The following EMILIN3 variants were observed in gnomAD, a reference collection of about 807,000 sequenced individuals.
The protein encoded by EMILIN3 is EMILIN-3.
A neutral mutation model predicts 42.8 loss-of-function variants in EMILIN3; 38 were observed. The ratio of observed to expected loss-of-function variants is 0.89; its 90% CI spans 0.69 to 1.16. The LOEUF (loss-of-function observed/expected upper bound fraction) is 1.16, where lower values mean the gene tolerates loss of function less well. Among genes scored for constraint, EMILIN3 ranks in the 50% most tolerant of loss-of-function variants. The pLI is 0.00. For synonymous variants in EMILIN3, 430 were observed against 440.5 expected (o/e 0.98, Z 0.30); for missense variants, 924 against 999.5 (o/e 0.92, Z 1.02).
rs1490882357 is a variant in EMILIN3 at position 41,362,720 on chromosome 20, C to A, written c.849G>T (p.Leu283=). Residue 283 remains leucine (L), a synonymous_variant, in exon 4 of 4, where the codon CTG becomes CTT. Coordinates refer to ENST00000332312, the MANE Select transcript of EMILIN3 (RefSeq NM_052846.2). The stretch of plus-strand genomic sequence containing the variant: ...ATGGTGGGGCTTCCCGCAGCCGCTG[C>A]AGGTGGGCCTCATGGCCAAGTGCCA... ...HGLALGHEAH[L]QRLREAPPSP... is the part of the protein sequence containing the mutation. 6.2e-7 allele frequency: 1 copy of A among 1,613,962 alleles called. No individual in the cohort carries two copies. The highest frequency in any genetic ancestry group is 1.3e-5 in the African/African-American group (1 of 74,960).
intron 1 of EMILIN3, among the ~76,000 whole-genome samples, chr20:41,365,710 C>T (rs1209805207): frequency 1.3e-5 from 2 of 152,304 alleles, no homozygotes; most frequent in South Asian, 2.1e-4. Context: ...CACTGAGTGT[C>T]GGTACTCTTC....
In EMILIN3 at chr20:41,361,086, C is replaced by G. The variant is rs6072352; in HGVS notation, c.*182G>C. On this transcript the variant is annotated 3_prime_UTR_variant, in exon 4 of 4. Coordinates refer to ENST00000332312, the MANE Select transcript of EMILIN3 (RefSeq NM_052846.2). The stretch of plus-strand genomic sequence containing the variant: ...ACCGCTGTCCGGAACTGTCCAGTTT[C>G]TGCAGCACTGTGCATGGGTTTTGGT... 0.23 allele frequency: 138,216 copies of G among 592,278 alleles called. 18,841 individuals carry two copies. The highest frequency in any genetic ancestry group is 0.48 in the East Asian group (17,310 of 35,814). The allele number at this position is 592,278 out of a possible 1,614,324, so 36.7% of individuals were successfully genotyped here.
Position 41,360,045 on chromosome 20 carries a change from A to T in EMILIN3, c.*1223T>A, listed in dbSNP as rs2046337877. 1.3e-5 allele frequency: 2 copies of T among 152,688 alleles called. No homozygotes were observed. Among genetic ancestry groups the T allele is most frequent in the Non-Finnish European group, 2.9e-5 (2 of 68,092 alleles). 9.5% of individuals were successfully genotyped at this position (152,688 alleles called of 1,614,324 possible). On this transcript the variant is annotated 3_prime_UTR_variant, in exon 4 of 4. Transcript: ENST00000332312. ...GAGGGCAGAATACCAAATGTCCAGG[A>T]ACCAAAGGCAGGGCTGTGGGGACCT...
rs774179672 is a variant in EMILIN3 at position 41,363,032 on chromosome 20, A to G, written c.537T>C (p.Phe179=). 4.4e-6 allele frequency: 7 copies of G among 1,596,516 alleles called. No individual in the cohort carries two copies. Among genetic ancestry groups the G allele is most frequent in the Non-Finnish European group, 6.0e-6 (7 of 1,167,820 alleles). ...CCTCCAGGCGTTCCAGCCGCTCACC[A>G]AACAGCCCTGGGCCTTTCCTTCCTG... is the stretch of plus-strand genomic sequence containing the variant. ...SPHGRKGPGL[F]GERLERLEGD... The change falls in exon 4 of 4, where the codon TTT becomes TTC. Residue 179 remains phenylalanine (F), a synonymous_variant. Coordinates refer to ENST00000332312, the MANE Select transcript of EMILIN3 (RefSeq NM_052846.2).
In EMILIN3 at chr20:41,361,989, G is replaced by A; in HGVS notation, c.1580C>T (p.Ser527Leu). 6.2e-7 allele frequency: 1 copy of A among 1,611,850 alleles called. No individual in the cohort carries two copies. ...TGCCACGAGGCTGTCCAGGATGGCT[G>A]AGGTGGTGCTCGGGGTGCACGAAGT... ...LETSCTPSTT[S>L]AILDSLVAEV... is the part of the protein sequence containing the mutation. The change falls in exon 4 of 4, where the codon TCA becomes TTA. Residue 527 changes from serine to leucine, a missense_variant. Ser to Leu is a moderately radical substitution (Grantham distance 145, BLOSUM62 -2). Coordinates refer to ENST00000332312, the MANE Select transcript of EMILIN3 (RefSeq NM_052846.2).
At position 41,366,667 on chromosome 20, in the gene EMILIN3, G is replaced by C; in HGVS notation, c.-33C>G. The C allele has an allele frequency of 1.0e-6, 1 of 993,836 alleles. No individual in the cohort carries two copies. Among genetic ancestry groups the C allele is most frequent in the Non-Finnish European group, 1.2e-6 (1 of 837,178 alleles). The allele number at this position is 993,836 out of a possible 1,614,324, so 61.6% of individuals were successfully genotyped here. A position where few individuals can be genotyped will look rare whatever the true frequency, so the allele number is the denominator to read the frequency against. On this transcript the variant is annotated 5_prime_UTR_variant, in exon 1 of 4. Transcript: ENST00000332312. The surrounding 1 kb of genome is among the most constrained non-coding windows in gnomAD (Gnocchi z 4.2). Reference sequence around the variant, plus strand: ...CCCGCGCCTCTGCCCGGCCCCGCGCGGTGCCCCCCGCCGGGTGTCCGCCTG... The same window carrying C: ...CCCGCGCCTCTGCCCGGCCCCGCGCCGTGCCCCCCGCCGGGTGTCCGCCTG...
intron 1 of EMILIN3, among the ~76,000 whole-genome samples, chr20:41,365,979 C>CGCTGGGGCTCCCATGGGGTT (rs201836863): frequency 0.15 from 22,325 of 151,972 alleles, 1,907 homozygotes; most frequent in Non-Finnish European, 0.18. Flanking sequence ...AGCCCGGCCA[C>CGCTGGGGCTCCCATGGGGTT]GCTGGGGCTC....
In EMILIN3 at chr20:41,366,166, G is replaced by A. The variant is rs936004048; in HGVS notation, c.167+302C>T. On this transcript the variant is annotated intron_variant, in intron 1 of 3. Transcript: ENST00000332312. This position sits in a 1 kb window ranked among gnomAD's most constrained non-coding sequence, Gnocchi z 4.2. Reference sequence around the variant, plus strand: ...CTCCCTCCACCTGGTCCGCTCGCCCGGAGTCTGCACACAGCGCAGCTGGAA... The same window carrying A: ...CTCCCTCCACCTGGTCCGCTCGCCCAGAGTCTGCACACAGCGCAGCTGGAA... Among the ~76,000 whole-genome samples the A allele has an allele frequency of 6.6e-5, 10 of 152,178 alleles. No homozygotes were observed. The highest frequency in any genetic ancestry group is 1.7e-4 in the African/African-American group (7 of 41,456).
At chr20:41,363,087 C>T (rs765676567) in intron 3 of EMILIN3, 33 bp from the exon 4 acceptor site, 2 of 1,478,382 alleles carry the variant, frequency 1.4e-6, no homozygotes, top group Admixed American at 2.4e-5. Context: ...AGGGGCATCA[C>T]TGGCCTCACC....
intron 2 of EMILIN3, among the ~76,000 whole-genome samples, chr20:41,364,318 T>C (rs1256776881): frequency 1.3e-5 from 2 of 151,832 alleles, no homozygotes; most frequent in Non-Finnish European, 2.9e-5. Context: ...GGCTCCTACC[T>C]GCTCCCCTTA....
rs940819132 is a variant in EMILIN3 at position 41,366,359 on chromosome 20, C to T, written c.167+109G>A. The T allele has an allele frequency of 2.2e-4, 188 of 867,778 alleles. No homozygotes were observed. The African/African-American group carries it at 3.2e-3, about 15-fold the overall frequency. The allele number at this position is 867,778 out of a possible 1,614,324, so 53.8% of individuals were successfully genotyped here. ...GGCGCCGCCCCCTCTGTGCAGCGGCCTCGGGGTGCCCGGGGCCTCGACGCC... is the reference window on the plus strand; with the variant it reads ...GGCGCCGCCCCCTCTGTGCAGCGGCTTCGGGGTGCCCGGGGCCTCGACGCC... On this transcript the variant is annotated intron_variant, in intron 1 of 3. Coordinates refer to ENST00000332312, the MANE Select transcript of EMILIN3 (RefSeq NM_052846.2). The surrounding 1 kb of genome is among the most constrained non-coding windows in gnomAD (Gnocchi z 4.2).
intron 3 of EMILIN3, 32 bp downstream of exon 3, chr20:41,363,606 T>C (rs745668907): frequency 2.6e-6 from 4 of 1,565,058 alleles, no homozygotes; most frequent in Non-Finnish European, 3.5e-6. Flanking sequence ...AGAAACCCAA[T>C]CACCTTGGAG....
chr20:41,361,958 C>T lies in EMILIN3; in HGVS notation c.1611G>A (p.Val537=). The change falls in exon 4 of 4, where the codon GTG becomes GTA. Residue 537 remains valine, a synonymous_variant. Transcript: ENST00000332312. ...SAILDSLVAE[V]KAWQSRSEAL... ...CCTCGCTCCGGCTCTGCCAGGCCTT[C>T]ACCTCTGCCACGAGGCTGTCCAGGA... 6.2e-7 allele frequency: 1 copy of T among 1,612,356 alleles called. No homozygotes were observed. Among genetic ancestry groups the T allele is most frequent in the South Asian group, 1.1e-5 (1 of 91,014 alleles).
Position 41,362,277 on chromosome 20 carries a change from C to T in EMILIN3, c.1292G>A (p.Gly431Asp). The T allele has an allele frequency of 6.2e-7, 1 of 1,613,946 alleles. No individual in the cohort carries two copies. Among genetic ancestry groups the T allele is most frequent in the Non-Finnish European group, 8.5e-7 (1 of 1,180,008 alleles). The change falls in exon 4 of 4, where the codon GGT (glycine) becomes GAT (aspartate). Residue 431 changes from glycine to aspartate, a missense_variant. Physicochemically the swap from Gly to Asp is moderately conservative, Grantham distance 94. Transcript: ENST00000332312. ...CAGACCCTCAAGCAGCCCGTCCACA[C>T]CTCCCTCGAGCATGGCAGCAGAGAG... ...TRLSAAMLEG[G>D]VDGLLEGLET... is the part of the protein sequence containing the mutation.
rs747662563 is a variant in EMILIN3 at position 41,363,015 on chromosome 20, C to T, written c.554G>A (p.Arg185His). ...GPGLFGERLERLEGDVQRLAQ... is the reference protein window; with the variant it reads ...GPGLFGERLEHLEGDVQRLAQ... ...CAGGCGCTGGACATCACCCTCCAGG[C>T]GTTCCAGCCGCTCACCAAACAGCCC... Residue 185 changes from arginine (R) to histidine (H), a missense_variant, in exon 4 of 4, where the codon CGC (arginine) becomes CAC (histidine). By Grantham distance (29) the Arg-to-His change is conservative (BLOSUM62 0). Coordinates refer to ENST00000332312, the MANE Select transcript of EMILIN3 (RefSeq NM_052846.2). The T allele has an allele frequency of 8.0e-5, 128 of 1,601,650 alleles. No homozygotes were observed. In the East Asian group the frequency reaches 1.3e-3, roughly 17 times the overall value.
At position 41,366,124 on chromosome 20, in the gene EMILIN3, G is replaced by A. The variant is rs112768123; in HGVS notation, c.167+344C>T. The stretch of plus-strand genomic sequence containing the variant: ...GGGGAGCCCCGCGTGCTCAGCGCGC[G>A]GACCGCCTTTCCTCCTCTCCCTCCA... On this transcript the variant is annotated intron_variant, in intron 1 of 3. Coordinates refer to ENST00000332312, the MANE Select transcript of EMILIN3 (RefSeq NM_052846.2). This position sits in a 1 kb window ranked among gnomAD's most constrained non-coding sequence, Gnocchi z 4.2. 6.6e-6 allele frequency among the ~76,000 whole-genome samples: 1 copy of A among 152,142 alleles called. No individual in the cohort carries two copies. Among genetic ancestry groups the A allele is most frequent in the Non-Finnish European group, 1.5e-5 (1 of 67,996 alleles).
chr20:41,362,520 C>G lies in EMILIN3; in HGVS notation c.1049G>C (p.Arg350Thr). The change falls in exon 4 of 4, where the codon AGG becomes ACG. Residue 350 changes from arginine (R) to threonine (T), a missense_variant. Coordinates refer to ENST00000332312, the MANE Select transcript of EMILIN3 (RefSeq NM_052846.2). ...CCGGCCATCAAGGCTCTGGTGCAGC[C>G]TCCGGCTGGCGGCCTGACCCTCCTC... ...QCEEGQAASR[R>T]LHQSLDGREL... 1.3e-6 allele frequency: 2 copies of G among 1,599,224 alleles called. No homozygotes were observed. The highest frequency in any genetic ancestry group is 1.7e-6 in the Non-Finnish European group (2 of 1,179,338).
chr20:41,365,061 C>G lies in EMILIN3; in HGVS notation c.264G>C (p.Trp88Cys). The change falls in exon 2 of 4, where the codon TGG becomes TGC. Residue 88 changes from tryptophan (W) to cysteine (C), a missense_variant. Trp to Cys is a radical substitution (Grantham distance 215). Transcript: ENST00000332312. ...YVKAEYRQCR[W>C]GPKCPGTVTY... ...TGACTGTCCCGGGGCACTTGGGCCC[C>G]CATCTACACTGCCGGTATTCAGCCT... 2 of 1,613,034 alleles carry G rather than the reference C, an allele frequency of 1.2e-6. No individual in the cohort carries two copies. Among genetic ancestry groups the G allele is most frequent in the South Asian group, 1.1e-5 (1 of 91,008 alleles).
At chr20:41,364,884 G>C (rs2046385742) in intron 2 of EMILIN3, 151 bp downstream of exon 2, 1 of 1,180,482 alleles carries the variant, frequency 8.5e-7, no homozygotes, top group Non-Finnish European at 1.2e-6. Flanking sequence ...TCTTTTCTGG[G>C]GCCGCCTTCT....
Sources: gnomAD v4.1 joint callset for allele counts (sites outside exome capture counted in the v4.1 genomes callset) on GRCh38, gnomAD v4.1.1 for gene constraint, Gnocchi (gnomAD v3.1) non-coding constraint, MANE v1.5 for transcripts, NCBI Gene and HGNC (gene_info 2026-07-23, HGNC 2026-07-21) for gene names.